VSTM2B: variants seen among roughly 807,000 people sequenced by gnomAD.
VSTM2B encodes V-set and transmembrane domain-containing protein 2B.
A neutral mutation model predicts 24.0 loss-of-function variants in VSTM2B; 24 were observed. The ratio of observed to expected loss-of-function variants is 1.00; its 90% CI spans 0.72 to 1.40. The LOEUF (loss-of-function observed/expected upper bound fraction) is 1.40. Ranked by LOEUF, VSTM2B falls within the 40% of genes most tolerant of loss-of-function variation. VSTM2B has a pLI of 0.00. For synonymous variants in VSTM2B, 226 were observed against 194.4 expected (o/e 1.16, Z -1.35); for missense variants, 399 against 416.4 (o/e 0.96, Z 0.36).
intron 4 of VSTM2B, among the ~76,000 whole-genome samples, chr19:29,563,442 T>C (rs1049019701): frequency 1.3e-5 from 2 of 151,932 alleles, no homozygotes; most frequent in African/African-American, 2.4e-5. Context: ...GGGGTCTCAC[T>C]ATGTTGCCCA....
chr19:29,560,437 T>A (rs1970498826), intron 4 of VSTM2B, among the ~76,000 whole-genome samples: 1 of 152,108 alleles, frequency 6.6e-6, no homozygotes, highest in Admixed American at 6.5e-5. Context: ...TGGAAGCCCA[T>A]CTCTCCAGTG....
chr19:29,527,145 G>A (rs4804888), intron 1 of VSTM2B, 66 bp from the exon 2 acceptor site: 1 of 1,410,414 alleles, frequency 7.1e-7, no homozygotes, highest in Middle Eastern at 1.8e-4. Context: ...CGACTGCCTC[G>A]CTTTAGGTTG....
chr19:29,559,438 C>T (rs780566279), intron 4 of VSTM2B, among the ~76,000 whole-genome samples: 9 of 152,050 alleles, frequency 5.9e-5, no homozygotes, highest in East Asian at 1.9e-4. Flanking sequence ...GGGAGGGGAA[C>T]GTCACACACT....
At chr19:29,533,862 G>T (rs552039992) in intron 4 of VSTM2B, among the ~76,000 whole-genome samples, 4 of 152,232 alleles carry the variant, frequency 2.6e-5, no homozygotes, top group Admixed American at 6.5e-5. Context: ...CAGCTGCTTT[G>T]CTCGGAACCA....
At chr19:29,561,949 G>T (rs560647424) in intron 4 of VSTM2B, among the ~76,000 whole-genome samples, 1 of 152,356 alleles carries the variant, frequency 6.6e-6, no homozygotes, top group East Asian at 1.9e-4. Flanking sequence ...CTGCAGGAGG[G>T]CCAGGAGGGA....
chr19:29,551,764 A>G (rs762561262), intron 4 of VSTM2B, among the ~76,000 whole-genome samples: 4 of 152,184 alleles, frequency 2.6e-5, no homozygotes, highest in African/African-American at 4.8e-5. Context: ...CTCCAGCGCT[A>G]TTCCTGGTAC....
chr19:29,545,014 A>C (rs1202817159), intron 4 of VSTM2B, among the ~76,000 whole-genome samples: 1 of 152,188 alleles, frequency 6.6e-6, no homozygotes, highest in African/African-American at 2.4e-5. Flanking sequence ...AGACAGTAAC[A>C]CACTACGGCC....
At chr19:29,530,997 G>C (rs1969743458) in intron 4 of VSTM2B, among the ~76,000 whole-genome samples, 1 of 150,920 alleles carries the variant, frequency 6.6e-6, no homozygotes. Context: ...GAAGGGATTG[G>C]GGATGGGGGG....
chr19:29,530,085 G>A lies in VSTM2B; in HGVS notation c.564G>A (p.Ala188=). ...CCAACGCCAACAACGCGGGCGCCGC[G>A]AGCCGTACCACCTCCGAGCCCGGCC... ...SAANANNAGA[A]SRTTSEPGRG... Residue 188 remains alanine, a synonymous_variant, in exon 4 of 5, where the codon GCG becomes GCA. Coordinates refer to ENST00000335523, the MANE Select transcript of VSTM2B (RefSeq NM_001146339.2). 6.7e-7 allele frequency: 1 copy of A among 1,496,764 alleles called. No individual in the cohort carries two copies. The highest frequency in any genetic ancestry group is 8.8e-7 in the Non-Finnish European group (1 of 1,131,824). 92.7% of individuals were successfully genotyped at this position (1,496,764 alleles called of 1,614,324 possible).
At chr19:29,545,100 C>T (rs575525722) in intron 4 of VSTM2B, among the ~76,000 whole-genome samples, 10 of 151,822 alleles carry the variant, frequency 6.6e-5, no homozygotes, top group Non-Finnish European at 1.3e-4. Flanking sequence ...ACTGGGTCAG[C>T]GAGGGCCCAA....
chr19:29,563,838 C>G lies in VSTM2B; in HGVS notation c.770-8C>G. 1.3e-6 allele frequency: 2 copies of G among 1,551,922 alleles called. No individual in the cohort carries two copies. The highest frequency in any genetic ancestry group is 1.7e-6 in the Non-Finnish European group (2 of 1,146,828). On this transcript the variant is annotated splice_region_variant and splice_polypyrimidine_tract_variant and intron_variant, in intron 4 of 4. Coordinates refer to ENST00000335523, the MANE Select transcript of VSTM2B (RefSeq NM_001146339.2). ...TGTTAACCTTGCCTGTTTTCTCATC[C>G]CCTGCAGGCACCGGCCGTAGCTACA...
rs1395521385 is a variant in VSTM2B at position 29,528,482 on chromosome 19, C to T, written c.297+20C>T. On this transcript the variant is annotated intron_variant, in intron 3 of 4. Coordinates refer to ENST00000335523, the MANE Select transcript of VSTM2B (RefSeq NM_001146339.2). ...ATCAGCGTAAGTGTGGAGCCCAGCG[C>T]GGGCCGCGGGAGACCCCTTCTGGCC... 3 of 1,550,536 alleles carry T rather than the reference C, an allele frequency of 1.9e-6. No individual in the cohort carries two copies. The highest frequency in any genetic ancestry group is 2.7e-5 in the African/African-American group (2 of 73,072).
chr19:29,562,200 C>T (rs1970543596), intron 4 of VSTM2B, among the ~76,000 whole-genome samples: 1 of 152,184 alleles, frequency 6.6e-6, no homozygotes, highest in Admixed American at 6.5e-5. Context: ...CAACCTCCTC[C>T]TTCTACAAAA....
In VSTM2B at chr19:29,527,333, A is replaced by C; in HGVS notation, c.205A>C (p.Lys69Gln). 3 of 1,549,140 alleles carry C rather than the reference A, an allele frequency of 1.9e-6. 1 individual carries two copies. In the South Asian group the frequency reaches 3.6e-5, roughly 18 times the overall value. The change falls in exon 2 of 5, where the codon AAG (lysine) becomes CAG (glutamine). Residue 69 changes from lysine (K) to glutamine (Q), a missense_variant. By Grantham distance (53) the Lys-to-Gln change is moderately conservative. Transcript: ENST00000335523. ...YSLEIQWWYL[K>Q]EPPRELLHEL... ...GCTGGAGATTCAGTGGTGGTACCTC[A>C]AGGAGCCACCCCGGGAGCTGCTGCA...
At chr19:29,547,194 A>G (rs868702614) in intron 4 of VSTM2B, among the ~76,000 whole-genome samples, 17 of 152,286 alleles carry the variant, frequency 1.1e-4, no homozygotes, top group African/African-American at 4.1e-4. Context: ...TGTTCCATGC[A>G]ATATTTGGGA....
rs1318278355 is a variant in VSTM2B, at chr19:29,526,685, T to C, written c.82+20T>C. 6.6e-7 allele frequency: 1 copy of C among 1,524,104 alleles called. No individual in the cohort carries two copies. The highest frequency in any genetic ancestry group is 8.8e-7 in the Non-Finnish European group (1 of 1,140,546). The allele number at this position is 1,524,104 out of a possible 1,614,324, so 94.4% of individuals were successfully genotyped here. On this transcript the variant is annotated intron_variant, in intron 1 of 4. Transcript: ENST00000335523. This position sits in a 1 kb window ranked among gnomAD's most constrained non-coding sequence, Gnocchi z 4.1. The stretch of plus-strand genomic sequence containing the variant: ...CCGACGGTGAGCGCGGGAACTTTGC[T>C]GCCGCTGTGGACTCGGGGGGGTCTT...
chr19:29,527,114 C>A (rs1969596518), intron 1 of VSTM2B, 97 bp from the exon 2 acceptor site: 6 of 1,151,014 alleles, frequency 5.2e-6, no homozygotes, highest in Middle Eastern at 2.1e-4. Context: ...GTGGGGGGCA[C>A]AAGGCCAGCC....
chr19:29,544,837 T>C (rs1970113638), intron 4 of VSTM2B, among the ~76,000 whole-genome samples: 1 of 152,178 alleles, frequency 6.6e-6, no homozygotes, highest in Admixed American at 6.5e-5. Context: ...TATGGATGGT[T>C]AGACCAGCTG....
intron 4 of VSTM2B, among the ~76,000 whole-genome samples, chr19:29,532,785 C>T (rs775519552): frequency 5.9e-5 from 9 of 152,154 alleles, no homozygotes; most frequent in Non-Finnish European, 1.2e-4. Context: ...GCAGATAAAG[C>T]TAAAAGGTTG....
Sources: gnomAD v4.1 joint callset for allele counts (sites outside exome capture counted in the v4.1 genomes callset) on GRCh38, gnomAD v4.1.1 for gene constraint, Gnocchi (gnomAD v3.1) non-coding constraint, MANE v1.5 for transcripts, NCBI Gene and HGNC (gene_info 2026-07-23, HGNC 2026-07-21) for gene names.